Variants in IL7 observed in about 807,000 individuals in gnomAD.
IL7 encodes interleukin-7.
A neutral mutation model predicts 21.6 loss-of-function variants in IL7; 3 were observed. The observed-to-expected ratio is 0.14, with a 90% confidence interval of 0.06 to 0.36. The LOEUF (loss-of-function observed/expected upper bound fraction) is 0.36. Among genes scored for constraint, IL7 ranks in the 10% least tolerant of loss-of-function variants. The probability of loss-of-function intolerance (pLI) is 1.00; values close to 1 mark genes in which losing one functional copy is unlikely to be tolerated. For synonymous variants in IL7, 62 were observed against 68.1 expected, an observed-to-expected ratio of 0.91 and a Z score of 0.44; for missense variants, 175 against 200.2, an observed-to-expected ratio of 0.87 and a Z score of 0.76.
rs558992684 is a variant in IL7, at chr8:78,799,385, A to C, written c.11-1177T>G. Among the ~76,000 whole-genome samples the C allele has an allele frequency of 2.0e-3, 301 of 152,284 alleles. 2 individuals carry two copies. Among genetic ancestry groups the C allele is most frequent in the South Asian group, 7.5e-3 (36 of 4,828 alleles). On this transcript the variant is annotated intron_variant, in intron 1 of 5. Coordinates refer to ENST00000263851, the MANE Select transcript of IL7 (RefSeq NM_000880.4). ...CACCTCCCAATAAATCAAGTGACCC[A>C]TGTTGTTACAAATAGAGAAAATTTT...
At chr8:78,761,486 A>C (rs1812554348) in intron 2 of IL7, 1 of 1,611,464 alleles carries the variant, frequency 6.2e-7, no homozygotes, top group Non-Finnish European at 8.5e-7. Context: ...CTTCTCAGTT[A>C]TCATAGTGTG....
At chr8:78,689,169 T>A (rs1810124354) in intron 3 of IL7, 5 of 1,298,998 alleles carry the variant, frequency 3.8e-6, no homozygotes, top group Non-Finnish European at 5.0e-6. Flanking sequence ...GATTTTTTAA[T>A]GTCCGTTTCA....
chr8:78,738,523 A>C lies in IL7; in HGVS notation c.341T>G (p.Leu114Arg). 1 of 1,613,590 alleles carries C rather than the reference A, an allele frequency of 6.2e-7. No individual in the cohort carries two copies. Among genetic ancestry groups the C allele is most frequent in the Non-Finnish European group, 8.5e-7 (1 of 1,179,660 alleles). Residue 114 changes from leucine (L) to arginine (R), a missense_variant, in exon 4 of 6, where the codon CTG becomes CGG. By Grantham distance (102) the Leu-to-Arg change is moderately radical (BLOSUM62 -2). Transcript: ENST00000263851. The part of the protein sequence containing the change: ...LLKVSEGTTI[L>R]LNCTGQVKGR... ...GCTTACCTGGCCAGTGCAGTTCAAC[A>C]GTATTGTTGTGCCTTCTGAAACTTT...
intron 3 of IL7, among the ~76,000 whole-genome samples, chr8:78,687,595 T>C (rs915929162): frequency 3.3e-4 from 46 of 140,294 alleles, no homozygotes; most frequent in Middle Eastern, 4.5e-3. Flanking sequence ...ATAAATTATA[T>C]ATATTTACAT....
chr8:78,717,858 A>G (rs1811154542), downstream of IL7: 1 of 159,454 alleles, frequency 6.3e-6, no homozygotes, highest in South Asian at 1.8e-4. Flanking sequence ...GCTTTAGGAT[A>G]AGTATAACTT....
intron 2 of IL7, among the ~76,000 whole-genome samples, chr8:78,796,760 G>C (rs1046828646): frequency 6.6e-6 from 1 of 151,906 alleles, no homozygotes; most frequent in Non-Finnish European, 1.5e-5. Context: ...AATACCAAAG[G>C]CTGGCGAAGA....
intron 2 of IL7, among the ~76,000 whole-genome samples, chr8:78,745,741 A>G (rs953810738): frequency 1.3e-5 from 2 of 152,230 alleles, no homozygotes; most frequent in Admixed American, 1.3e-4. Flanking sequence ...GGATGTTTTC[A>G]TTCCATATGG....
exon 5 of IL7, chr8:78,676,013 T>C (rs183509135): frequency 2.6e-4 from 132 of 508,648 alleles, no homozygotes; most frequent in African/African-American, 2.3e-3. Flanking sequence ...ATTTCAGCTA[T>C]GCCATTCTTC....
chr8:78,756,191 T>C (rs1303963054), intron 2 of IL7, among the ~76,000 whole-genome samples: 4 of 152,052 alleles, frequency 2.6e-5, no homozygotes, highest in African/African-American at 9.7e-5. Flanking sequence ...CACTTTATTA[T>C]GTTCTATTAT....
At chr8:78,713,477 G>A (rs547665399), downstream of IL7, among the ~76,000 whole-genome samples, 3 of 150,272 alleles carry the variant, frequency 2.0e-5, no homozygotes, top group East Asian at 5.8e-4. Context: ...AAAAAAAAAA[G>A]TGTTCTTCCT....
intron 4 of IL7, among the ~76,000 whole-genome samples, chr8:78,680,286 C>CAAA (rs3070855): frequency 9.1e-5 from 8 of 88,144 alleles, no homozygotes; most frequent in African/African-American, 3.2e-4. Context: ...GACTCCGTCT[C>CAAA]AAAAAAAAAA....
chr8:78,762,524 G>A (rs558301437), intron 2 of IL7: 6 of 836,304 alleles, frequency 7.2e-6, no homozygotes, highest in Non-Finnish European at 6.5e-6. Context: ...GAGCCAGGCC[G>A]GCCGGCCGGC....
intron 2 of IL7, among the ~76,000 whole-genome samples, chr8:78,746,265 T>C (rs1171298149): frequency 6.6e-6 from 1 of 152,230 alleles, no homozygotes; most frequent in Admixed American, 6.5e-5. Flanking sequence ...AGCTTCTAGT[T>C]CATCTTTCAT....
intron 3 of IL7, chr8:78,689,503 T>C (rs564590071): frequency 2.5e-6 from 2 of 810,590 alleles, no homozygotes; most frequent in Admixed American, 4.0e-5. Flanking sequence ...TAGTTTTATA[T>C]ATCTATAAAA....
chr8:78,790,255 T>A (rs1813640877), intron 2 of IL7, among the ~76,000 whole-genome samples: 1 of 152,158 alleles, frequency 6.6e-6, no homozygotes, highest in Non-Finnish European at 1.5e-5. Context: ...TGAAACAGCC[T>A]TTGCTGTGGT....
intron 2 of IL7, among the ~76,000 whole-genome samples, chr8:78,759,551 G>A (rs1367632627): frequency 6.6e-6 from 1 of 152,114 alleles, no homozygotes; most frequent in Non-Finnish European, 1.5e-5. Context: ...AATGTAAACA[G>A]CAATGAGATG....
At chr8:78,797,912 A>G (rs1009023027) in intron 2 of IL7, 160 bp downstream of exon 2, 1 of 477,358 alleles carries the variant, frequency 2.1e-6, no homozygotes, top group African/African-American at 2.0e-5. Flanking sequence ...TAATTATGTC[A>G]GCTATAAAAA....
Position 78,753,429 on chromosome 8 carries a change from T to A in IL7, c.148-13347A>T, listed in dbSNP as rs529247938. On this transcript the variant is annotated intron_variant, in intron 2 of 5. Transcript: ENST00000263851. ...CCACTTTTTGATGGGTTTGTTTATT[T>A]TTTTCTTATAAATTTGTTTAAGTTC... 3.9e-5 allele frequency among the ~76,000 whole-genome samples: 6 copies of A among 152,310 alleles called. No homozygotes were observed. In the East Asian group the frequency reaches 1.2e-3, roughly 29 times the overall value.
chr8:78,778,098 T>C (rs990644531), intron 2 of IL7, among the ~76,000 whole-genome samples: 1 of 152,106 alleles, frequency 6.6e-6, no homozygotes, highest in African/African-American at 2.4e-5. Context: ...ATTATCCCAT[T>C]GCATTGCAAT....
Sources: allele counts gnomAD v4.1 joint callset (sites outside exome capture counted in the v4.1 genomes callset), GRCh38; gene constraint gnomAD v4.1.1; transcripts MANE v1.5; gene names NCBI Gene and HGNC (gene_info 2026-07-23, HGNC 2026-07-21).